Variants in LIMA1 observed in about 807,000 individuals in gnomAD.
LIMA1 encodes LIM domain and actin binding 1, also known as LIM domain and actin-binding protein 1.
A neutral mutation model predicts 62.6 loss-of-function variants in LIMA1; 52 were observed. The ratio of observed to expected loss-of-function variants is 0.83; its 90% CI spans 0.67 to 1.05. LIMA1 has a LOEUF of 1.05. LIMA1 is among the 50% of genes least tolerant of loss of function. The probability of loss-of-function intolerance (pLI) is 0.00; values close to 1 mark genes in which losing one functional copy is unlikely to be tolerated. For synonymous variants in LIMA1, 302 were observed against 317.8 expected, an observed-to-expected ratio of 0.95 and a Z score of 0.53; for missense variants, 780 against 902.2, an observed-to-expected ratio of 0.86 and a Z score of 1.74.
chr12:50,261,887 C>T (rs573917686), intron 1 of LIMA1, among the ~76,000 whole-genome samples: 2 of 152,268 alleles, frequency 1.3e-5, no homozygotes, highest in African/African-American at 4.8e-5. Context: ...CAGTGCCTGA[C>T]ACATGGGGGG....
At chr12:50,183,180 C>T (rs1026219429) in intron 9 of LIMA1, among the ~76,000 whole-genome samples, 4 of 152,064 alleles carry the variant, frequency 2.6e-5, no homozygotes, top group East Asian at 1.9e-4. Context: ...CCAGCCTGGG[C>T]GACAGAGTGA....
chr12:50,194,243 C>T (rs1450013582), intron 8 of LIMA1, among the ~76,000 whole-genome samples: 1 of 151,752 alleles, frequency 6.6e-6, no homozygotes, highest in African/African-American at 2.4e-5. Flanking sequence ...CCCGCCTTGG[C>T]CTCCCAAAGT....
At chr12:50,243,875 A>T (rs957127629) in intron 2 of LIMA1, among the ~76,000 whole-genome samples, 1 of 151,732 alleles carries the variant, frequency 6.6e-6, no homozygotes. Context: ...CCTTCCTCAT[A>T]TAGTTTTTGT....
At chr12:50,197,230 C>A (rs1448907204) in intron 7 of LIMA1, among the ~76,000 whole-genome samples, 1 of 151,984 alleles carries the variant, frequency 6.6e-6, no homozygotes, top group African/African-American at 2.4e-5. Context: ...ATTATCACAC[C>A]CGGCTAATTT....
intron 1 of LIMA1, among the ~76,000 whole-genome samples, chr12:50,281,181 ATT>A (rs1387503341): frequency 2.0e-5 from 3 of 152,060 alleles, no homozygotes; most frequent in African/African-American, 4.8e-5. Flanking sequence ...TCTTTGATAA[ATT>A]TTTTTGGTAC....
rs374680799 is a variant in LIMA1, at chr12:50,203,437, G to A, written c.864+1115C>T. Among the ~76,000 whole-genome samples, 42 of 151,296 alleles carry A rather than the reference G, an allele frequency of 2.8e-4. 1 individual carries two copies. The highest frequency in any genetic ancestry group is 3.4e-3 in the Middle Eastern group (1 of 294). On this transcript the variant is annotated intron_variant, in intron 6 of 10. Transcript: ENST00000341247. ...AATCTTTTTTTTTTTTCCTGGAGAC[G>A]GAGTCTTGCTGTGTCGCCCAGGCTG...
In LIMA1 at chr12:50,231,697, C is replaced by T. The variant is rs1941613462; in HGVS notation, c.133G>A (p.Ala45Thr). The change falls in exon 3 of 11, where the codon GCT becomes ACT. Residue 45 changes from alanine (A) to threonine (T), a missense_variant. By Grantham distance (58) the Ala-to-Thr change is moderately conservative. Coordinates refer to ENST00000341247, the MANE Select transcript of LIMA1 (RefSeq NM_016357.5). ...TTCTTCTCCATGTTTGTTTCTTCAG[C>T]TGCTTTCTGGTACCTTCAGAGAAGG... ...VEIFSKYQKA[A>T]EETNMEKKRS... The T allele has an allele frequency of 1.9e-6, 3 of 1,613,828 alleles. No homozygotes were observed. The highest frequency in any genetic ancestry group is 2.5e-6 in the Non-Finnish European group (3 of 1,179,684).
At chr12:50,188,446 AC>A (rs1287727467) in intron 9 of LIMA1, 4 of 152,208 alleles carry the variant, frequency 2.6e-5, no homozygotes, top group African/African-American at 9.7e-5. Context: ...TGGAGATGTA[AC>A]TGGGTTCCAC....
At chr12:50,192,318 G>A in intron 9 of LIMA1, 134 bp downstream of exon 9, 1 of 687,968 alleles carries the variant, frequency 1.5e-6, no homozygotes, top group Non-Finnish European at 2.6e-6. Context: ...ACTGGCTTCA[G>A]TGTGCTCTTC....
intron 1 of LIMA1, among the ~76,000 whole-genome samples, chr12:50,273,798 T>C (rs538809777): frequency 2.0e-5 from 3 of 152,362 alleles, no homozygotes; most frequent in South Asian, 4.1e-4. Context: ...AGATTCTAGA[T>C]AGCTTTCTAA....
chr12:50,265,421 G>A lies in LIMA1; in HGVS notation c.-23-16647C>T, dbSNP rs1942128190. On this transcript the variant is annotated intron_variant, in intron 1 of 10. Transcript: ENST00000341247. ...TGTAATCCCAGCTACTTGGGAGGCT[G>A]AGGCAGGAGAATTGCTTGAACCAGG... Among the ~76,000 whole-genome samples, 4 of 152,002 alleles carry A rather than the reference G, an allele frequency of 2.6e-5. No homozygotes were observed. In the South Asian group the frequency reaches 8.3e-4, roughly 31 times the overall value.
intron 1 of LIMA1, among the ~76,000 whole-genome samples, chr12:50,272,258 C>T (rs1942220432): frequency 6.6e-6 from 1 of 152,034 alleles, no homozygotes; most frequent in Non-Finnish European, 1.5e-5. Context: ...TAAAAAGTGA[C>T]TCTTCTCTAG....
intron 2 of LIMA1, among the ~76,000 whole-genome samples, chr12:50,239,573 GA>G (rs1302145168): frequency 6.6e-6 from 1 of 152,144 alleles, no homozygotes; most frequent in Non-Finnish European, 1.5e-5. Flanking sequence ...CTGGGAAGAG[GA>G]AGTTGCAGTG....
At chr12:50,253,068 G>A (rs531658537) in intron 1 of LIMA1, among the ~76,000 whole-genome samples, 2 of 152,224 alleles carry the variant, frequency 1.3e-5, no homozygotes, top group Admixed American at 1.3e-4. Flanking sequence ...TGAACTTAGG[G>A]TAAAAGAGAA....
At chr12:50,203,350 G>A (rs566930042) in intron 6 of LIMA1, among the ~76,000 whole-genome samples, 28 of 151,802 alleles carry the variant, frequency 1.8e-4, no homozygotes, top group African/African-American at 6.5e-4. Flanking sequence ...TGTAGCATCA[G>A]CTTACCCGTT....
At chr12:50,231,318 T>A (rs1941608401) in intron 3 of LIMA1, among the ~76,000 whole-genome samples, 1 of 152,118 alleles carries the variant, frequency 6.6e-6, no homozygotes, top group African/African-American at 2.4e-5. Context: ...AATGCACAGA[T>A]GTAGAAGTTC....
At chr12:50,209,382 C>T (rs1484943420) in intron 4 of LIMA1, among the ~76,000 whole-genome samples, 2 of 151,560 alleles carry the variant, frequency 1.3e-5, no homozygotes, top group East Asian at 3.9e-4. Flanking sequence ...CCAGCCTGGC[C>T]AACATTGTGA....
intron 2 of LIMA1, among the ~76,000 whole-genome samples, chr12:50,234,588 T>C (rs1272203232): frequency 2.0e-5 from 3 of 152,068 alleles, no homozygotes. Flanking sequence ...AGAATCACCA[T>C]TATGTGCCTC....
intron 8 of LIMA1, 147 bp downstream of exon 8, chr12:50,195,682 TA>T: frequency 1.4e-6 from 1 of 696,816 alleles, no homozygotes; most frequent in Non-Finnish European, 2.3e-6. Flanking sequence ...ATGAAGTGTG[TA>T]AAGGACATTC....
Sources: allele counts gnomAD v4.1 joint callset (sites outside exome capture counted in the v4.1 genomes callset), GRCh38; gene constraint gnomAD v4.1.1; transcripts MANE v1.5; gene names NCBI Gene and HGNC (gene_info 2026-07-23, HGNC 2026-07-21).